SMURF1: variants seen among roughly 807,000 people sequenced by gnomAD.
SMURF1 encodes the protein SMAD specific E3 ubiquitin protein ligase 1, also known as E3 ubiquitin-protein ligase SMURF1.
In SMURF1, 44 loss-of-function variants were observed where a neutral mutation model predicts 98.0. The observed-to-expected ratio is 0.45, with a 90% CI of 0.35 to 0.58. SMURF1 has a LOEUF of 0.58. Ranked by LOEUF, SMURF1 falls within the 20% of genes least tolerant of loss-of-function variation. The probability of loss-of-function intolerance (pLI) is 0.00; values close to 1 mark genes in which losing one functional copy is unlikely to be tolerated. For missense variants in SMURF1, 687 were observed against 938.4 expected, an observed-to-expected ratio of 0.73 and a Z score of 3.50; for synonymous variants, 396 against 374.9, an observed-to-expected ratio of 1.06 and a Z score of -0.65.
At chr7:99,101,662 G>A (rs1043990609) in intron 1 of SMURF1, among the ~76,000 whole-genome samples, 1 of 152,150 alleles carries the variant, frequency 6.6e-6, no homozygotes, top group Admixed American at 6.5e-5. Flanking sequence ...ACACACGGCC[G>A]GGCATGGTGG....
chr7:99,031,274 C>T (rs1005536494), intron 17 of SMURF1: 1 of 152,226 alleles, frequency 6.6e-6, no homozygotes, highest in African/African-American at 2.4e-5. Context: ...CAAAATAGAT[C>T]TCAAAACTAA....
At chr7:99,106,778 T>C (rs1797203372) in intron 1 of SMURF1, among the ~76,000 whole-genome samples, 1 of 152,164 alleles carries the variant, frequency 6.6e-6, no homozygotes. Flanking sequence ...TCCAGTGCCT[T>C]CTCCGACCTC....
chr7:99,089,292 A>G (rs961479995), intron 1 of SMURF1, among the ~76,000 whole-genome samples: 1 of 152,042 alleles, frequency 6.6e-6, no homozygotes, highest in Non-Finnish European at 1.5e-5. Flanking sequence ...ATGCCTTAGC[A>G]TGGATCTAAA....
intron 2 of SMURF1, 43 bp downstream of exon 2, chr7:99,061,756 A>C (rs960240426): frequency 6.8e-7 from 1 of 1,467,840 alleles, no homozygotes; most frequent in East Asian, 2.3e-5. Flanking sequence ...TCAGAAATAC[A>C]TGCATAACAT....
In SMURF1 at chr7:99,052,086, G is replaced by A. The variant is rs561685674; in HGVS notation, c.721+119C>T. The A allele has an allele frequency of 6.5e-6, 9 of 1,377,212 alleles. No individual in the cohort carries two copies. In the Admixed American group the frequency reaches 1.0e-4, roughly 16 times the overall value. 85.3% of individuals were successfully genotyped at this position (1,377,212 alleles called of 1,614,324 possible). A position where few individuals can be genotyped will look rare whatever the true frequency, so the allele number is the denominator to read the frequency against. The stretch of plus-strand genomic sequence containing the variant: ...GGAGGTCAAGGCTGCCGTGAGCCAT[G>A]ATCATGCCACTGCACTCCAGCATGG... On this transcript the variant is annotated intron_variant, in intron 7 of 17. Transcript: ENST00000361368.
intron 17 of SMURF1, 85 bp downstream of exon 17, chr7:99,032,951 CA>C (rs1173744534): frequency 1.0e-4 from 134 of 1,333,034 alleles, no homozygotes; most frequent in Admixed American, 1.9e-4. Context: ...GACTCCATCT[CA>C]AAAAAAAACA....
chr7:99,133,987 TG>T (rs1165225717), intron 1 of SMURF1, among the ~76,000 whole-genome samples: 2 of 152,066 alleles, frequency 1.3e-5, no homozygotes, highest in African/African-American at 4.8e-5. Flanking sequence ...GGGGTGCGGC[TG>T]AGGGAGGTAG....
At chr7:99,035,370 G>T in intron 16 of SMURF1, 145 bp downstream of exon 16, 1 of 1,032,840 alleles carries the variant, frequency 9.7e-7, no homozygotes. Context: ...CACCTCTGTA[G>T]GGCAGAGCAT....
intron 1 of SMURF1, among the ~76,000 whole-genome samples, chr7:99,131,468 G>A (rs976807360): frequency 6.6e-6 from 1 of 152,014 alleles, no homozygotes; most frequent in Non-Finnish European, 1.5e-5. Context: ...GAAATGGGTA[G>A]GTGGGTGGTT....
intron 11 of SMURF1, among the ~76,000 whole-genome samples, chr7:99,044,040 G>A (rs1465910742): frequency 6.6e-6 from 1 of 152,156 alleles, no homozygotes; most frequent in East Asian, 1.9e-4. Flanking sequence ...AAGTTCAAGG[G>A]GCAGTAGAGA....
intron 1 of SMURF1, among the ~76,000 whole-genome samples, chr7:99,128,494 G>A (rs1219153276): frequency 2.6e-5 from 4 of 152,170 alleles, no homozygotes; most frequent in Non-Finnish European, 5.9e-5. Context: ...AAGGCTATAT[G>A]CTATCCTTGC....
chr7:99,052,125 C>T, intron 7 of SMURF1, 80 bp downstream of exon 7: 1 of 1,460,450 alleles, frequency 6.8e-7, no homozygotes, highest in Non-Finnish European at 9.0e-7. Flanking sequence ...ACAGCAAGAC[C>T]TTGTCTCAAA....
intron 1 of SMURF1, among the ~76,000 whole-genome samples, chr7:99,111,826 C>A (rs888666923): frequency 3.3e-5 from 5 of 152,088 alleles, no homozygotes; most frequent in Non-Finnish European, 5.9e-5. Flanking sequence ...CTGATTTGAC[C>A]TGTCTAGTGG....
At chr7:99,070,948 T>A (rs1013770796) in intron 1 of SMURF1, among the ~76,000 whole-genome samples, 7 of 151,312 alleles carry the variant, frequency 4.6e-5, no homozygotes, top group Admixed American at 1.3e-4. Flanking sequence ...GGAAATAAAA[T>A]ATATATATAT....
At chr7:99,139,137 C>G (rs997780955) in intron 1 of SMURF1, among the ~76,000 whole-genome samples, 1 of 152,196 alleles carries the variant, frequency 6.6e-6, no homozygotes, top group Non-Finnish European at 1.5e-5. Context: ...TCTTGAGAGA[C>G]TTAACTATTT....
chr7:99,107,663 G>A (rs1797222653), intron 1 of SMURF1, among the ~76,000 whole-genome samples: 1 of 152,168 alleles, frequency 6.6e-6, no homozygotes, highest in Non-Finnish European at 1.5e-5. Context: ...TGTCCTATTT[G>A]CAGGGTTACC....
chr7:99,065,568 C>G (rs1376190809), intron 1 of SMURF1, among the ~76,000 whole-genome samples: 1 of 152,202 alleles, frequency 6.6e-6, no homozygotes, highest in Non-Finnish European at 1.5e-5. Flanking sequence ...TATTTGGGCT[C>G]TCTTCACATT....
chr7:99,086,395 T>TA lies in SMURF1; in HGVS notation c.56-24559dup, dbSNP rs55763626. Among the ~76,000 whole-genome samples, 285 of 142,692 alleles carry TA rather than the reference T, an allele frequency of 2.0e-3. 2 individuals carry two copies. Among genetic ancestry groups the TA allele is most frequent in the Middle Eastern group, 7.2e-3 (2 of 278 alleles). The allele number at this position is 142,692 out of a possible 152,430, so 93.6% of individuals were successfully genotyped here. On this transcript the variant is annotated intron_variant, in intron 1 of 17. Transcript: ENST00000361368. ...AATACCACTTCCCACCTAAGATAGT[T>TA]AAAAAAAAAAAAAAATACAGAGGGG...
chr7:99,079,100 C>T (rs912890914), intron 1 of SMURF1, among the ~76,000 whole-genome samples: 1 of 152,234 alleles, frequency 6.6e-6, no homozygotes, highest in Non-Finnish European at 1.5e-5. Flanking sequence ...GGGACCAACC[C>T]TTGGGGGATG....
Sources: gnomAD v4.1 joint callset for allele counts (sites outside exome capture counted in the v4.1 genomes callset) on GRCh38, gnomAD v4.1.1 for gene constraint, MANE v1.5 for transcripts, NCBI Gene and HGNC (gene_info 2026-07-23, HGNC 2026-07-21) for gene names.